Variants in C10orf143 observed in about 807,000 individuals in gnomAD.
The protein encoded by C10orf143 is uncharacterized protein C10orf143.
chr10:130,105,733 T>TCC (rs112378764), intron 1 of C10orf143, among the ~76,000 whole-genome samples: 4 of 148,204 alleles, frequency 2.7e-5, no homozygotes, highest in African/African-American at 1.0e-4. Context: ...TCCGTTCCCC[T>TCC]CCCCCCCCAA....
At chr10:130,037,751 C>A (rs1040376254) in intron 3 of C10orf143, among the ~76,000 whole-genome samples, 1 of 152,214 alleles carries the variant, frequency 6.6e-6, no homozygotes, top group African/African-American at 2.4e-5. Context: ...CAACAAGGGG[C>A]CTCGTGTCTG....
intron 1 of C10orf143, among the ~76,000 whole-genome samples, chr10:130,088,026 G>A (rs549068079): frequency 1.5e-4 from 23 of 152,362 alleles, no homozygotes; most frequent in Admixed American, 3.9e-4. Context: ...TTAAGCATAT[G>A]TATTACATGT....
rs763485004 is a variant in C10orf143, at chr10:130,107,641, T to C, written c.69+3063A>G. 1.7e-5 allele frequency: 22 copies of C among 1,330,338 alleles called. No homozygotes were observed. In the East Asian group the frequency reaches 3.3e-4, roughly 20 times the overall value. 82.4% of individuals were successfully genotyped at this position (1,330,338 alleles called of 1,614,324 possible). ...GGCCTTCATCTGAAACGAGAGCTTTTCTCTCTCCCGCAACTCTGTTGGAGG... is the reference window on the plus strand; with the variant it reads ...GGCCTTCATCTGAAACGAGAGCTTTCCTCTCTCCCGCAACTCTGTTGGAGG... On this transcript the variant is annotated intron_variant, in intron 1 of 3. Transcript: ENST00000637128.
intron 1 of C10orf143, among the ~76,000 whole-genome samples, chr10:130,083,619 T>G (rs981096358): frequency 3.3e-5 from 5 of 152,266 alleles, no homozygotes; most frequent in Admixed American, 1.3e-4. Flanking sequence ...AATACATTGT[T>G]AAGTGAAAAC....
At chr10:130,081,671 A>T (rs1030150393) in intron 1 of C10orf143, among the ~76,000 whole-genome samples, 14 of 151,574 alleles carry the variant, frequency 9.2e-5, no homozygotes, top group African/African-American at 3.4e-4. Flanking sequence ...ACAGAAAGGC[A>T]CTTCCACCTG....
At chr10:130,039,372 C>T (rs766861903) in intron 3 of C10orf143, among the ~76,000 whole-genome samples, 3 of 152,106 alleles carry the variant, frequency 2.0e-5, no homozygotes, top group African/African-American at 4.8e-5. Context: ...CAGGGGAGTC[C>T]GCCACGTGAG....
chr10:130,108,152 C>A, intron 1 of C10orf143: 2 of 1,570,518 alleles, frequency 1.3e-6, no homozygotes, highest in Non-Finnish European at 1.8e-6. Flanking sequence ...TCCACTGTTT[C>A]CAGTGGATAC....
At chr10:130,102,181 A>G (rs1861568636) in intron 1 of C10orf143, among the ~76,000 whole-genome samples, 1 of 152,178 alleles carries the variant, frequency 6.6e-6, no homozygotes, top group African/African-American at 2.4e-5. Context: ...GCCTTCCTTT[A>G]TGGCCCAAAA....
At chr10:130,088,742 A>C (rs1861332986) in intron 1 of C10orf143, among the ~76,000 whole-genome samples, 1 of 152,220 alleles carries the variant, frequency 6.6e-6, no homozygotes. Context: ...AACAAGATTG[A>C]GAAGGCGCCA....
intron 3 of C10orf143, among the ~76,000 whole-genome samples, chr10:130,075,730 T>C (rs956571999): frequency 3.9e-5 from 6 of 152,144 alleles, no homozygotes; most frequent in African/African-American, 1.4e-4. Flanking sequence ...GTTCTCGTGA[T>C]AGTGAGTTCT....
At chr10:130,050,867 T>G (rs1383826799) in intron 3 of C10orf143, among the ~76,000 whole-genome samples, 2 of 152,202 alleles carry the variant, frequency 1.3e-5, no homozygotes, top group African/African-American at 4.8e-5. Context: ...ACCTCAGCCA[T>G]AGGCAGGTGT....
chr10:130,054,704 T>C (rs1345035922), intron 3 of C10orf143, among the ~76,000 whole-genome samples: 1 of 152,202 alleles, frequency 6.6e-6, no homozygotes, highest in Non-Finnish European at 1.5e-5. Context: ...TTTAAATGGG[T>C]GTGAGGTGGT....
At chr10:130,047,238 C>G (rs1860686183) in intron 3 of C10orf143, among the ~76,000 whole-genome samples, 1 of 152,192 alleles carries the variant, frequency 6.6e-6, no homozygotes, top group African/African-American at 2.4e-5. Context: ...CTGGTGTGGA[C>G]CCCATGGGGT....
intron 1 of C10orf143, among the ~76,000 whole-genome samples, chr10:130,084,659 CA>C (rs1861262740): frequency 6.6e-6 from 1 of 151,990 alleles, no homozygotes; most frequent in African/African-American, 2.4e-5. Context: ...GATACACACA[CA>C]CACACACACA....
rs1860892283 is a variant in C10orf143 at position 130,064,195 on chromosome 10, G to A, written c.*159C>T. 2.5e-6 allele frequency: 1 copy of A among 392,462 alleles called. No homozygotes were observed. Among genetic ancestry groups the A allele is most frequent in the Non-Finnish European group, 4.5e-6 (1 of 222,896 alleles). The allele number at this position is 392,462 out of a possible 1,614,324, so 24.3% of individuals were successfully genotyped here. ...CGTGCAGAGGATGGTGGATTTACTAGAATGAAAGGACAGACAAACCTCCCC... is the reference window on the plus strand; with the variant it reads ...CGTGCAGAGGATGGTGGATTTACTAAAATGAAAGGACAGACAAACCTCCCC... On this transcript the variant is annotated 3_prime_UTR_variant, in exon 4 of 4. Coordinates refer to ENST00000637128, the MANE Select transcript of C10orf143 (RefSeq NM_001355042.2).
downstream of C10orf143, among the ~76,000 whole-genome samples, chr10:130,060,927 C>T (rs1397243186): frequency 6.6e-6 from 1 of 151,954 alleles, no homozygotes; most frequent in Non-Finnish European, 1.5e-5. Flanking sequence ...GGCTTGAGCC[C>T]AGAAGTTCAA....
At chr10:130,106,448 A>C (rs549644603) in intron 1 of C10orf143, 1 of 1,602,684 alleles carries the variant, frequency 6.2e-7, no homozygotes, top group Non-Finnish European at 8.5e-7. Context: ...TGAAAAGTTG[A>C]ACAGGTCCAA....
At chr10:130,075,041 A>G (rs1861092749) in intron 3 of C10orf143, among the ~76,000 whole-genome samples, 1 of 152,136 alleles carries the variant, frequency 6.6e-6, no homozygotes, top group Non-Finnish European at 1.5e-5. Context: ...CAAAAAGTGA[A>G]TAATACGGAG....
chr10:130,099,717 G>T (rs1008594894), intron 1 of C10orf143, among the ~76,000 whole-genome samples: 2 of 151,696 alleles, frequency 1.3e-5, no homozygotes, highest in African/African-American at 4.8e-5. Context: ...TGGTGGAGAC[G>T]GGGTTTCACC....
Sources: gnomAD v4.1 joint callset for allele counts (sites outside exome capture counted in the v4.1 genomes callset) on GRCh38, gnomAD v4.1.1 for gene constraint, MANE v1.5 for transcripts, NCBI Gene and HGNC (gene_info 2026-07-23, HGNC 2026-07-21) for gene names.